Variants in JDP2 observed in about 807,000 individuals in gnomAD.
JDP2 encodes the protein progesterone receptor co-activator.
Under a neutral mutation model 17.1 loss-of-function variants are expected in JDP2, and 9 were observed. That is an observed-to-expected ratio of 0.53 (90% CI 0.32 to 0.92). The LOEUF (loss-of-function observed/expected upper bound fraction) is 0.92. Ranked by LOEUF, JDP2 falls within the 40% of genes least tolerant of loss-of-function variation. JDP2 has a pLI of 0.04. For missense variants in JDP2, 179 were observed against 220.0 expected (o/e 0.81, Z 1.18); for synonymous variants, 107 against 95.6 (o/e 1.12, Z -0.69).
Position 75,430,955 on chromosome 14 carries a change from G to A in JDP2, c.-24+2703G>A, listed in dbSNP as rs1884769865. 6.6e-6 allele frequency among the ~76,000 whole-genome samples: 1 copy of A among 152,100 alleles called. No homozygotes were observed. Among genetic ancestry groups the A allele is most frequent in the African/African-American group, 2.4e-5 (1 of 41,412 alleles). On this transcript the variant is annotated intron_variant, in intron 1 of 3. Coordinates refer to ENST00000651602, the MANE Select transcript of JDP2 (RefSeq NM_001135048.2). This position sits in a 1 kb window ranked among gnomAD's most constrained non-coding sequence, Gnocchi z 4.5. ...GAGCCCACCATTCTTAGTTGTTGTT[G>A]TTTTTTAGTCTGTTTTCTTGCTGCA...
At position 75,469,711 on chromosome 14, in the gene JDP2, G is replaced by A. The variant is rs901186108; in HGVS notation, c.*236G>A. 4 of 509,574 alleles carry A rather than the reference G, an allele frequency of 7.8e-6. No individual in the cohort carries two copies. The highest frequency in any genetic ancestry group is 1.4e-5 in the Non-Finnish European group (4 of 284,544). The allele number at this position is 509,574 out of a possible 1,614,324, so 31.6% of individuals were successfully genotyped here. On this transcript the variant is annotated 3_prime_UTR_variant, in exon 4 of 4. Coordinates refer to ENST00000651602, the MANE Select transcript of JDP2 (RefSeq NM_001135048.2). ...GCGCTGAGACCAAAGTTGACCCTCG[G>A]GTAGGGTTGTCCTGCCTGGGGCCCC...
At chr14:75,450,307 G>A (rs892721671) in intron 2 of JDP2, among the ~76,000 whole-genome samples, 26 of 152,190 alleles carry the variant, frequency 1.7e-4, no homozygotes, top group Admixed American at 1.5e-3. Flanking sequence ...CAGGACCGGG[G>A]CACACTCATT....
intron 2 of JDP2, 139 bp downstream of exon 2, chr14:75,438,260 C>G (rs1322310478): frequency 1.6e-6 from 1 of 634,958 alleles, no homozygotes; most frequent in African/African-American, 1.8e-5. Flanking sequence ...TGTGGAATCC[C>G]AGGCCTCGCC....
In JDP2 at chr14:75,430,213, C is replaced by T. The variant is rs191210133; in HGVS notation, c.-24+1961C>T. Among the ~76,000 whole-genome samples, 133 of 152,228 alleles carry T rather than the reference C, an allele frequency of 8.7e-4. No individual in the cohort carries two copies. Among genetic ancestry groups the T allele is most frequent in the African/African-American group, 3.0e-3 (123 of 41,536 alleles). ...AATAGGCTCTCTGGGCCTTGTTTGTCGTGGGGCTACTGGTGTTGCAATGGG... is the reference window on the plus strand; with the variant it reads ...AATAGGCTCTCTGGGCCTTGTTTGTTGTGGGGCTACTGGTGTTGCAATGGG... On this transcript the variant is annotated intron_variant, in intron 1 of 3. Transcript: ENST00000651602. The surrounding 1 kb of genome is among the most constrained non-coding windows in gnomAD (Gnocchi z 4.5).
intron 2 of JDP2, among the ~76,000 whole-genome samples, chr14:75,457,588 T>C (rs1354342907): frequency 2.6e-5 from 4 of 152,194 alleles, no homozygotes; most frequent in South Asian, 2.1e-4. Context: ...TCTTGCCTCA[T>C]TGGGAGATAC....
Position 75,430,926 on chromosome 14 carries a change from G to C in JDP2, c.-24+2674G>C, listed in dbSNP as rs770811813. ...CTTATTGCTGGCTGTGGGAGGCCTG[G>C]CCAGAGCCCACCATTCTTAGTTGTT... On this transcript the variant is annotated intron_variant, in intron 1 of 3. Transcript: ENST00000651602. The surrounding 1 kb of genome is among the most constrained non-coding windows in gnomAD (Gnocchi z 4.5). Among the ~76,000 whole-genome samples, 4 of 152,164 alleles carry C rather than the reference G, an allele frequency of 2.6e-5. No homozygotes were observed. Among genetic ancestry groups the C allele is most frequent in the Non-Finnish European group, 4.4e-5 (3 of 68,030 alleles).
In JDP2 at chr14:75,463,453, G is replaced by A. The variant is rs577627006; in HGVS notation, c.306+1923G>A. 1.8e-4 allele frequency among the ~76,000 whole-genome samples: 27 copies of A among 152,118 alleles called. No individual in the cohort carries two copies. In the South Asian group the frequency reaches 4.0e-3, roughly 22 times the overall value. ...CCTAGGGCACAGAGGGCAGGCAGGCGGTGTCGGCAGTGGGATGGGAGGCAG... is the reference window on the plus strand; with the variant it reads ...CCTAGGGCACAGAGGGCAGGCAGGCAGTGTCGGCAGTGGGATGGGAGGCAG... On this transcript the variant is annotated intron_variant, in intron 3 of 3. Transcript: ENST00000651602.
intron 2 of JDP2, among the ~76,000 whole-genome samples, chr14:75,443,343 A>G (rs1050523983): frequency 1.6e-4 from 25 of 152,136 alleles, no homozygotes; most frequent in African/African-American, 5.8e-4. Context: ...GCCCACTGAC[A>G]TTTTTTAGCA....
At chr14:75,442,919 C>T (rs569555929) in intron 2 of JDP2, among the ~76,000 whole-genome samples, 11 of 152,282 alleles carry the variant, frequency 7.2e-5, no homozygotes, top group Admixed American at 2.6e-4. Flanking sequence ...CCCGAGGAAT[C>T]GGTGCATACG....
At chr14:75,450,472 T>C (rs1435901656) in intron 2 of JDP2, among the ~76,000 whole-genome samples, 6 of 152,332 alleles carry the variant, frequency 3.9e-5, no homozygotes, top group Admixed American at 3.3e-4. Flanking sequence ...GGCAATGGCT[T>C]ATCCACCCGT....
intron 1 of JDP2, among the ~76,000 whole-genome samples, chr14:75,436,900 G>A (rs1246638748): frequency 6.6e-6 from 1 of 152,174 alleles, no homozygotes; most frequent in African/African-American, 2.4e-5. Context: ...AGAATGAAGA[G>A]AACATGGAGG....
chr14:75,459,852 A>G (rs1043647528), intron 2 of JDP2, among the ~76,000 whole-genome samples: 2 of 152,208 alleles, frequency 1.3e-5, no homozygotes. Context: ...GTGCCACATC[A>G]AAGTGCTCCT....
intron 2 of JDP2, among the ~76,000 whole-genome samples, chr14:75,443,098 G>A (rs1885430449): frequency 1.3e-5 from 2 of 152,240 alleles, no homozygotes; most frequent in Admixed American, 1.3e-4. Flanking sequence ...AGAACATTGA[G>A]AGGGTTTTCC....
At position 75,439,166 on chromosome 14, in the gene JDP2, C is replaced by T. The variant is rs563695997; in HGVS notation, c.201+1045C>T. 6.6e-5 allele frequency among the ~76,000 whole-genome samples: 10 copies of T among 152,220 alleles called. No homozygotes were observed. In the East Asian group the frequency reaches 1.7e-3, roughly 26 times the overall value. Reference sequence around the variant, plus strand: ...TCGTGGAGAAGGGTGTCTGGGTACCCGTAGGGGAGAGCTGGGGATATTAGG... The same window carrying T: ...TCGTGGAGAAGGGTGTCTGGGTACCTGTAGGGGAGAGCTGGGGATATTAGG... On this transcript the variant is annotated intron_variant, in intron 2 of 3. Coordinates refer to ENST00000651602, the MANE Select transcript of JDP2 (RefSeq NM_001135048.2).
intron 1 of JDP2, among the ~76,000 whole-genome samples, chr14:75,437,400 C>T (rs1208932714): frequency 6.6e-6 from 1 of 152,226 alleles, no homozygotes; most frequent in African/African-American, 2.4e-5. Flanking sequence ...CCAAAAATAG[C>T]TTCCTCTGAA....
Position 75,469,867 on chromosome 14 carries a change from T to A in JDP2, c.*392T>A, listed in dbSNP as rs984906050. On this transcript the variant is annotated 3_prime_UTR_variant, in exon 4 of 4. Coordinates refer to ENST00000651602, the MANE Select transcript of JDP2 (RefSeq NM_001135048.2). ...CCGAACAGCCAGGAAAAGCCATGAG[T>A]TGCAACCAAAACGCGGCTGAGGATG... 3 of 167,358 alleles carry A rather than the reference T, an allele frequency of 1.8e-5. No homozygotes were observed. Among genetic ancestry groups the A allele is most frequent in the African/African-American group, 7.2e-5 (3 of 41,854 alleles). 10.4% of individuals were successfully genotyped at this position (167,358 alleles called of 1,614,324 possible). A position where few individuals can be genotyped will look rare whatever the true frequency, so the allele number is the denominator to read the frequency against.
At position 75,470,215 on chromosome 14, in the gene JDP2, T is replaced by G. The variant is rs1014712271; in HGVS notation, c.*740T>G. 5.9e-5 allele frequency: 9 copies of G among 152,268 alleles called. No individual in the cohort carries two copies. Among genetic ancestry groups the G allele is most frequent in the Non-Finnish European group, 1.3e-4 (9 of 67,940 alleles). 9.4% of individuals were successfully genotyped at this position (152,268 alleles called of 1,614,324 possible). On this transcript the variant is annotated 3_prime_UTR_variant, in exon 4 of 4. Transcript: ENST00000651602. The stretch of plus-strand genomic sequence containing the variant: ...AATATTTTTTACAAAAAAAAAGATT[T>G]TATACAAGCAATATATATATGGATT...
At chr14:75,462,626 T>G (rs1886390390) in intron 3 of JDP2, among the ~76,000 whole-genome samples, 1 of 152,200 alleles carries the variant, frequency 6.6e-6, no homozygotes, top group Non-Finnish European at 1.5e-5. Context: ...TTTTTAAGCA[T>G]GTACTAAATG....
chr14:75,439,089 G>A (rs541663126), intron 2 of JDP2, among the ~76,000 whole-genome samples: 3 of 152,278 alleles, frequency 2.0e-5, no homozygotes, highest in African/African-American at 7.2e-5. Context: ...AGATGAGCCT[G>A]GGGGGAGCTC....
Sources: allele counts gnomAD v4.1 joint callset (sites outside exome capture counted in the v4.1 genomes callset), GRCh38; gene constraint gnomAD v4.1.1; non-coding constraint Gnocchi (gnomAD v3.1); transcripts MANE v1.5; gene names NCBI Gene and HGNC (gene_info 2026-07-23, HGNC 2026-07-21).